DMTN: variants seen among roughly 807,000 people sequenced by gnomAD.
DMTN encodes the protein dematin.
Under a neutral mutation model 59.4 loss-of-function variants are expected in DMTN, and 27 were observed. The observed-to-expected ratio is 0.45, with a 90% CI of 0.33 to 0.63. The LOEUF (loss-of-function observed/expected upper bound fraction) is 0.63. DMTN is among the 20% of genes least tolerant of loss of function. The probability of loss-of-function intolerance (pLI) is 0.02; values close to 1 mark genes in which losing one functional copy is unlikely to be tolerated. For synonymous variants in DMTN, 221 were observed against 203.7 expected (o/e 1.08, Z -0.72); for missense variants, 451 against 528.9 (o/e 0.85, Z 1.45).
rs1394978774 is a variant in DMTN at position 22,057,146 on chromosome 8, A to C, written c.-172+10A>C. ...CACTGTCTGGGAAGAGGTAGGTGGC[A>C]GGGTCTCCGCCTCTCCTCCCCTCTG... On this transcript the variant is annotated intron_variant, in intron 1 of 15. Coordinates refer to ENST00000358242, the MANE Select transcript of DMTN (RefSeq NM_001387751.1). 6.6e-6 allele frequency: 1 copy of C among 152,232 alleles called. No individual in the cohort carries two copies. The allele number at this position is 152,232 out of a possible 1,614,324, so 9.4% of individuals were successfully genotyped here. A position where few individuals can be genotyped will look rare whatever the true frequency, so the allele number is the denominator to read the frequency against.
In DMTN at chr8:22,081,764, G is replaced by A. The variant is rs1344929605; in HGVS notation, c.*301G>A. ...CCTGCCCCTCACCCCAGAGGGTGAGGAGGAATGAGGGGCATTGGTGGTTAG... is the reference window on the plus strand; with the variant it reads ...CCTGCCCCTCACCCCAGAGGGTGAGAAGGAATGAGGGGCATTGGTGGTTAG... On this transcript the variant is annotated 3_prime_UTR_variant, in exon 16 of 16. Transcript: ENST00000358242. 20 of 529,784 alleles carry A rather than the reference G, an allele frequency of 3.8e-5. No homozygotes were observed. In the East Asian group the frequency reaches 7.8e-4, roughly 21 times the overall value. 32.8% of individuals were successfully genotyped at this position (529,784 alleles called of 1,614,324 possible).
intron 4 of DMTN, among the ~76,000 whole-genome samples, chr8:22,068,397 G>A (rs1415617281): frequency 1.3e-5 from 2 of 152,196 alleles, no homozygotes; most frequent in East Asian, 3.9e-4. Flanking sequence ...GCAACACAGG[G>A]AGACCCCCAT....
At chr8:22,080,359 G>C (rs7835670) in intron 11 of DMTN, 53 bp from the exon 12 acceptor site, 1 of 1,613,714 alleles carries the variant, frequency 6.2e-7, no homozygotes, top group East Asian at 2.2e-5. Flanking sequence ...AAAGTGAAGG[G>C]GACCAAAGGT....
At chr8:22,074,495 G>A (rs1023261285) in intron 10 of DMTN, among the ~76,000 whole-genome samples, 5 of 152,262 alleles carry the variant, frequency 3.3e-5, no homozygotes, top group Non-Finnish European at 2.9e-5. Context: ...GACTGGGCTC[G>A]AACTCCTGGA....
chr8:22,075,210 C>A (rs978661380), intron 10 of DMTN, among the ~76,000 whole-genome samples: 1 of 150,146 alleles, frequency 6.7e-6, no homozygotes, highest in East Asian at 2.0e-4. Flanking sequence ...AGAAAAAAGC[C>A]TAAGAGGAAA....
intron 1 of DMTN, chr8:22,059,396 C>T (rs1804666918): frequency 6.6e-6 from 1 of 152,274 alleles, no homozygotes; most frequent in African/African-American, 2.4e-5. Context: ...TGGCTGGACC[C>T]TGCTGCCTGT....
chr8:22,073,691 G>A (rs371354793), intron 9 of DMTN, 39 bp from the exon 10 acceptor site: 1 of 1,200,404 alleles, frequency 8.3e-7, no homozygotes, highest in Non-Finnish European at 1.2e-6. Context: ...ACATTCAAGT[G>A]TCTAAGTCTT....
chr8:22,081,774 G>C lies in DMTN; in HGVS notation c.*311G>C, dbSNP rs772790039. 2 of 521,652 alleles carry C rather than the reference G, an allele frequency of 3.8e-6. No individual in the cohort carries two copies. Among genetic ancestry groups the C allele is most frequent in the South Asian group, 3.3e-5 (2 of 61,218 alleles). The allele number at this position is 521,652 out of a possible 1,614,324, so 32.3% of individuals were successfully genotyped here. On this transcript the variant is annotated 3_prime_UTR_variant, in exon 16 of 16. Coordinates refer to ENST00000358242, the MANE Select transcript of DMTN (RefSeq NM_001387751.1). ...ACCCCAGAGGGTGAGGAGGAATGAG[G>C]GGCATTGGTGGTTAGGCCGGTTGGC...
chr8:22,076,121 C>T (rs904270007), intron 10 of DMTN, among the ~76,000 whole-genome samples: 7 of 151,998 alleles, frequency 4.6e-5, no homozygotes, highest in Non-Finnish European at 7.4e-5. Flanking sequence ...ATAAGAGAGG[C>T]GGATTTTCAG....
rs570248006 is a variant in DMTN, at chr8:22,060,074, G to A, written c.-172+2938G>A. ...GATGGAGGGCGAGCGGCTGGCTGGC[G>A]TCCGACCAGGGCCAGGGGCAGCTGA... On this transcript the variant is annotated intron_variant, in intron 1 of 15. Coordinates refer to ENST00000358242, the MANE Select transcript of DMTN (RefSeq NM_001387751.1). The surrounding 1 kb of genome is among the most constrained non-coding windows in gnomAD (Gnocchi z 5.0). 7.9e-5 allele frequency among the ~76,000 whole-genome samples: 12 copies of A among 152,260 alleles called. No homozygotes were observed. Among genetic ancestry groups the A allele is most frequent in the African/African-American group, 2.6e-4 (11 of 41,542 alleles).
chr8:22,054,861 C>A (rs532785986), upstream of DMTN: 312 of 152,778 alleles, frequency 2.0e-3, 2 homozygotes, highest in Non-Finnish European at 1.2e-3. Context: ...CTCCTCCCCC[C>A]CTCCCTGCTG....
rs1803740855 is a variant in DMTN at position 22,058,124 on chromosome 8, G to A, written c.-172+988G>A. Among the ~76,000 whole-genome samples, 1 of 152,172 alleles carries A rather than the reference G, an allele frequency of 6.6e-6. No homozygotes were observed. The highest frequency in any genetic ancestry group is 2.1e-4 in the South Asian group (1 of 4,828). On this transcript the variant is annotated intron_variant, in intron 1 of 15. Coordinates refer to ENST00000358242, the MANE Select transcript of DMTN (RefSeq NM_001387751.1). This position sits in a 1 kb window ranked among gnomAD's most constrained non-coding sequence, Gnocchi z 4.3. Reference sequence around the variant, plus strand: ...GAGTGGGGGCATGAGCTGGCACACAGGGCTTCGGAGTCTCCCCGCGTGCAT... The same window carrying A: ...GAGTGGGGGCATGAGCTGGCACACAAGGCTTCGGAGTCTCCCCGCGTGCAT...
At chr8:22,056,280 A>C (rs1412730408), upstream of DMTN, among the ~76,000 whole-genome samples, 1 of 152,034 alleles carries the variant, frequency 6.6e-6, no homozygotes, top group Non-Finnish European at 1.5e-5. Context: ...AGTACTGAGG[A>C]CCTGGTTGCA....
Position 22,067,556 on chromosome 8 carries a change from C to T in DMTN, c.123C>T (p.Tyr41=). 1 of 1,614,220 alleles carries T rather than the reference C, an allele frequency of 6.2e-7. No homozygotes were observed. Among genetic ancestry groups the T allele is most frequent in the East Asian group, 2.2e-5 (1 of 44,888 alleles). ...VAKMDNQVLG[Y]KDLAAIPKDK... is the part of the protein sequence containing the mutation. ...AGATGGACAATCAGGTGCTGGGCTA[C>T]AAGGACCTGGCTGCCATCCCCAAGG... Residue 41 remains tyrosine (Y), a synonymous_variant, in exon 4 of 16, where the codon TAC becomes TAT. Coordinates refer to ENST00000358242, the MANE Select transcript of DMTN (RefSeq NM_001387751.1).
upstream of DMTN, among the ~76,000 whole-genome samples, chr8:22,051,551 C>G (rs530102644): frequency 1.5e-3 from 232 of 152,268 alleles, no homozygotes; most frequent in African/African-American, 5.5e-3. Flanking sequence ...CCCCACCCCC[C>G]TCGGCCTGCC....
chr8:22,067,727 C>A (rs751973483), intron 4 of DMTN, 45 bp downstream of exon 4: 67 of 1,603,372 alleles, frequency 4.2e-5, no homozygotes, highest in South Asian at 8.8e-5. Flanking sequence ...AGGCCCCCCC[C>A]AGCCACACTG....
At chr8:22,056,684 G>A (rs1254679390), upstream of DMTN, among the ~76,000 whole-genome samples, 1 of 149,364 alleles carries the variant, frequency 6.7e-6, no homozygotes, top group Admixed American at 6.6e-5. Flanking sequence ...AATGGATTGA[G>A]CTGCAGCGCT....
In DMTN at chr8:22,081,551, G is replaced by A. The variant is rs1824305201; in HGVS notation, c.*88G>A. 1.7e-6 allele frequency: 2 copies of A among 1,189,008 alleles called. No homozygotes were observed. Among genetic ancestry groups the A allele is most frequent in the African/African-American group, 1.5e-5 (1 of 66,672 alleles). 73.7% of individuals were successfully genotyped at this position (1,189,008 alleles called of 1,614,324 possible). A position where few individuals can be genotyped will look rare whatever the true frequency, so the allele number is the denominator to read the frequency against. ...GGTTGGGAGGGGCAGGAGGTGGGGTGGAAATAGGGTGGGCTCCTTTCCTCA... is the reference window on the plus strand; with the variant it reads ...GGTTGGGAGGGGCAGGAGGTGGGGTAGAAATAGGGTGGGCTCCTTTCCTCA... On this transcript the variant is annotated 3_prime_UTR_variant, in exon 16 of 16. Transcript: ENST00000358242.
At chr8:22,069,998 T>C (rs559861749) in intron 7 of DMTN, 61 bp downstream of exon 7, 3 of 1,603,824 alleles carry the variant, frequency 1.9e-6, no homozygotes, top group African/African-American at 2.7e-5. Context: ...GGCCGTGCCC[T>C]GGGGCTGCGG....
Sources: gnomAD v4.1 joint callset for allele counts (sites outside exome capture counted in the v4.1 genomes callset) on GRCh38, gnomAD v4.1.1 for gene constraint, Gnocchi (gnomAD v3.1) non-coding constraint, MANE v1.5 for transcripts, NCBI Gene and HGNC (gene_info 2026-07-23, HGNC 2026-07-21) for gene names.